The following CAPN8 variants were observed in gnomAD, a reference collection of about 807,000 sequenced individuals.
The protein encoded by CAPN8 is calpain 8.
In CAPN8, 87 loss-of-function variants were observed where a neutral mutation model predicts 80.9. That is an observed-to-expected ratio of 1.07 (90% CI 0.90 to 1.28). CAPN8 has a LOEUF of 1.28. Ranked by LOEUF, CAPN8 falls within the 50% of genes most tolerant of loss-of-function variation. The probability of loss-of-function intolerance (pLI) is 0.00; values close to 1 mark genes in which losing one functional copy is unlikely to be tolerated. For synonymous variants in CAPN8, 299 were observed against 273.8 expected (o/e 1.09, Z -0.91); for missense variants, 757 against 702.0 (o/e 1.08, Z -0.89).
intron 2 of CAPN8, among the ~76,000 whole-genome samples, chr1:223,653,997 T>C (rs1355307677): frequency 6.6e-6 from 1 of 152,232 alleles, no homozygotes; most frequent in East Asian, 1.9e-4. Flanking sequence ...TTATGTCTAC[T>C]TAAAGGTAAC....
chr1:223,638,324 C>T (rs1208929593), intron 2 of CAPN8, among the ~76,000 whole-genome samples: 1 of 151,970 alleles, frequency 6.6e-6, no homozygotes, highest in Non-Finnish European at 1.5e-5. Flanking sequence ...GATCCTGGAA[C>T]CAGTACCCCA....
At chr1:223,660,269 C>T (rs1382588630) in intron 1 of CAPN8, among the ~76,000 whole-genome samples, 1 of 152,192 alleles carries the variant, frequency 6.6e-6, no homozygotes, top group Non-Finnish European at 1.5e-5. Flanking sequence ...TCATTGACTG[C>T]ACTGCACCAG....
At chr1:223,628,213 C>T (rs1657657768) in intron 3 of CAPN8, 71 bp from the exon 4 acceptor site, 9 of 1,458,022 alleles carry the variant, frequency 6.2e-6, no homozygotes, top group South Asian at 1.4e-5. Flanking sequence ...TCCAGGGGAC[C>T]TCACGTGGGG....
At position 223,615,653 on chromosome 1, in the gene CAPN8, TGGC is replaced by T. The variant is rs144858224; in HGVS notation, c.1311+314_1311+316del. On this transcript the variant is annotated intron_variant, in intron 10 of 20. Transcript: ENST00000366872. ...CAAGTGCCTTATGCCCCCATGTTCT[TGGC>T]TCTTGTCCCTGGGGAAGCCTGTACT... 1,363 of 475,878 alleles carry T rather than the reference TGGC, an allele frequency of 2.9e-3. 18 individuals are homozygous for T. Among genetic ancestry groups the T allele is most frequent in the African/African-American group, 0.02 (1,047 of 51,216 alleles). 29.5% of individuals were successfully genotyped at this position (475,878 alleles called of 1,614,324 possible).
intron 19 of CAPN8, among the ~76,000 whole-genome samples, chr1:223,543,670 T>C (rs1371025316): frequency 6.6e-6 from 1 of 152,112 alleles, no homozygotes; most frequent in Non-Finnish European, 1.5e-5. Flanking sequence ...GCACCCCCCA[T>C]CCCTTCATTG....
chr1:223,616,948 T>C (rs552772958), intron 9 of CAPN8: 1 of 152,318 alleles, frequency 6.6e-6, no homozygotes, highest in East Asian at 1.9e-4. Flanking sequence ...GAATAGTAAG[T>C]ACACAAGCCA....
chr1:223,612,965 G>A (rs138923056), intron 10 of CAPN8, among the ~76,000 whole-genome samples: 16 of 152,224 alleles, frequency 1.1e-4, no homozygotes, highest in Admixed American at 7.2e-4. Context: ...AGCCTAGCTC[G>A]AGTTGGGCTT....
At chr1:223,544,634 A>T in intron 18 of CAPN8, 138 bp downstream of exon 18, 1 of 1,230,598 alleles carries the variant, frequency 8.1e-7, no homozygotes, top group Non-Finnish European at 1.1e-6. Flanking sequence ...AAGGTACTCA[A>T]CAAAGCTCTG....
intron 2 of CAPN8, among the ~76,000 whole-genome samples, chr1:223,639,436 T>C (rs983607527): frequency 2.6e-5 from 4 of 152,220 alleles, no homozygotes; most frequent in African/African-American, 9.7e-5. Context: ...ATCATTTTAA[T>C]CGGGAAGCCA....
chr1:223,620,364 A>G (rs543743977), intron 7 of CAPN8, 98 bp from the exon 8 acceptor site: 1 of 1,037,994 alleles, frequency 9.6e-7, no homozygotes, highest in East Asian at 2.6e-5. Context: ...AGCCAGAAAC[A>G]AAATACCAAA....
intron 2 of CAPN8, among the ~76,000 whole-genome samples, chr1:223,649,187 C>T (rs544438779): frequency 7.9e-5 from 12 of 152,326 alleles, no homozygotes; most frequent in African/African-American, 2.9e-4. Flanking sequence ...GCTCATGTGG[C>T]CTCTGGGACT....
intron 12 of CAPN8, 35 bp downstream of exon 12, chr1:223,609,118 C>A (rs1045310679): frequency 0.074 from 29,388 of 397,916 alleles, 1,605 homozygotes; most frequent in South Asian, 0.19. Flanking sequence ...GGCCCACAGA[C>A]AACTGTTCCC....
In CAPN8 at chr1:223,544,815, G is replaced by A. The variant is rs144595853; in HGVS notation, c.1869C>T (p.Gly623=). ...IYWETDYNHS[G]TIDAHEMRTA... ...TCCTCATCTCGTGGGCATCGATGGT[G>A]CCCGAGTGGTTATAATCAGTTTCCC... Residue 623 remains glycine (G), a synonymous_variant, in exon 18 of 21, where the codon GGC becomes GGT. Coordinates refer to ENST00000366872, the MANE Select transcript of CAPN8 (RefSeq NM_001143962.2). 1.3e-6 allele frequency: 2 copies of A among 1,551,560 alleles called. No individual in the cohort carries two copies. Among genetic ancestry groups the A allele is most frequent in the East Asian group, 2.4e-5 (1 of 40,928 alleles).
intron 2 of CAPN8, among the ~76,000 whole-genome samples, chr1:223,633,629 T>C (rs1327245442): frequency 2.0e-5 from 3 of 151,922 alleles, no homozygotes; most frequent in Non-Finnish European, 1.5e-5. Flanking sequence ...ACCACTGCAC[T>C]CCAGCCTGGA....
At chr1:223,641,861 G>A (rs1483868554) in intron 2 of CAPN8, among the ~76,000 whole-genome samples, 1 of 152,176 alleles carries the variant, frequency 6.6e-6, no homozygotes, top group Admixed American at 6.5e-5. Flanking sequence ...ATATTTAAAT[G>A]AGTAAATAGG....
intron 1 of CAPN8, among the ~76,000 whole-genome samples, chr1:223,659,491 C>T (rs1183348237): frequency 1.3e-5 from 2 of 152,168 alleles, no homozygotes; most frequent in African/African-American, 4.8e-5. Context: ...ACACTTGCTC[C>T]CGATGCACTG....
chr1:223,650,594 A>C (rs1054556427), intron 2 of CAPN8, among the ~76,000 whole-genome samples: 1 of 152,218 alleles, frequency 6.6e-6, no homozygotes, highest in Non-Finnish European at 1.5e-5. Context: ...GAATGAAGCC[A>C]ACCTGTAGAT....
At chr1:223,657,357 T>G (rs1330528502) in intron 1 of CAPN8, among the ~76,000 whole-genome samples, 1 of 152,144 alleles carries the variant, frequency 6.6e-6, no homozygotes, top group African/African-American at 2.4e-5. Flanking sequence ...GAAAAAAATT[T>G]TAATTTAAAT....
chr1:223,613,650 G>T (rs1044849466), intron 10 of CAPN8, among the ~76,000 whole-genome samples: 3 of 152,234 alleles, frequency 2.0e-5, no homozygotes, highest in Non-Finnish European at 4.4e-5. Flanking sequence ...TGACAGGCTG[G>T]CCTGGCATCA....
Sources: gnomAD v4.1 joint callset for allele counts (sites outside exome capture counted in the v4.1 genomes callset) on GRCh38, gnomAD v4.1.1 for gene constraint, MANE v1.5 for transcripts, NCBI Gene and HGNC (gene_info 2026-07-23, HGNC 2026-07-21) for gene names.